SAMTOR: variants seen among roughly 807,000 people sequenced by gnomAD.
SAMTOR encodes the protein UPF0532 protein C7orf60.
the SAMTOR span, among the ~76,000 whole-genome samples, chr7:112,923,209 G>A: frequency 6.6e-6 from 1 of 152,114 alleles, no homozygotes; most frequent in Non-Finnish European, 1.5e-5. Flanking sequence ...AACATGTGCT[G>A]TGTCCACTCA....
chr7:112,884,734 T>C, the SAMTOR span, among the ~76,000 whole-genome samples: 1 of 152,174 alleles, frequency 6.6e-6, no homozygotes, highest in Non-Finnish European at 1.5e-5. Flanking sequence ...TCTGTGGCTT[T>C]TCCAGGTGCA....
the SAMTOR span, among the ~76,000 whole-genome samples, chr7:112,888,706 G>A: frequency 1.3e-5 from 2 of 152,036 alleles, no homozygotes; most frequent in Non-Finnish European, 2.9e-5. Context: ...AAGATATTTG[G>A]AGATAAGCCT....
the SAMTOR span, among the ~76,000 whole-genome samples, chr7:112,934,441 A>G: frequency 6.6e-6 from 1 of 152,178 alleles, no homozygotes; most frequent in South Asian, 2.1e-4. Flanking sequence ...GTGTATGCTA[A>G]TAGCTATCTA....
At chr7:112,914,276 G>GTTTTTTTTTTTTTTTTTTTTTTTT in the SAMTOR span, among the ~76,000 whole-genome samples, 1 of 131,004 alleles carries the variant, frequency 7.6e-6, no homozygotes, top group Non-Finnish European at 1.6e-5. Context: ...TTAGCCTCTA[G>GTTTTTTTTTTTTTTTTTTTTTTTT]TTTTTTTTTT....
At chr7:112,910,308 G>A in the SAMTOR span, among the ~76,000 whole-genome samples, 8 of 151,976 alleles carry the variant, frequency 5.3e-5, no homozygotes, top group East Asian at 7.7e-4. Context: ...TAATTAAACA[G>A]AATTACATAT....
chr7:112,870,895 A>G, the SAMTOR span, among the ~76,000 whole-genome samples: 2 of 152,198 alleles, frequency 1.3e-5, no homozygotes, highest in African/African-American at 2.4e-5. Context: ...CTTTTATCAG[A>G]TAAAACACAA....
the SAMTOR span, among the ~76,000 whole-genome samples, chr7:112,899,121 G>A: frequency 6.6e-6 from 1 of 152,132 alleles, no homozygotes; most frequent in Non-Finnish European, 1.5e-5. Context: ...CAATCCTGGA[G>A]TAGTACAGAT....
chr7:112,828,356 G>T, the SAMTOR span, among the ~76,000 whole-genome samples: 1 of 152,114 alleles, frequency 6.6e-6, no homozygotes. Flanking sequence ...CTCTTGCCTT[G>T]CCTCTAGTGG....
chr7:112,906,201 G>T, the SAMTOR span, among the ~76,000 whole-genome samples: 1 of 152,294 alleles, frequency 6.6e-6, no homozygotes, highest in South Asian at 2.1e-4. Context: ...AATCTAGATG[G>T]TATAGCCTAC....
chr7:112,919,573 G>C, the SAMTOR span, among the ~76,000 whole-genome samples: 1 of 152,058 alleles, frequency 6.6e-6, no homozygotes. Context: ...TCAAAAGCTA[G>C]CAGAAGGCAA....
the SAMTOR span, among the ~76,000 whole-genome samples, chr7:112,884,820 C>T: frequency 6.6e-6 from 1 of 152,208 alleles, no homozygotes; most frequent in Non-Finnish European, 1.5e-5. Context: ...CTCTGCTAGG[C>T]AGTGCCCCAG....
the SAMTOR span, among the ~76,000 whole-genome samples, chr7:112,870,312 T>C: frequency 6.6e-6 from 1 of 152,290 alleles, no homozygotes; most frequent in East Asian, 1.9e-4. Flanking sequence ...GGGAAACCCA[T>C]CTGGCTAACA....
At chr7:112,886,770 T>C in the SAMTOR span, among the ~76,000 whole-genome samples, 1 of 152,232 alleles carries the variant, frequency 6.6e-6, no homozygotes, top group African/African-American at 2.4e-5. Flanking sequence ...GGTTCCACCA[T>C]ATCTCCCTGC....
At chr7:112,875,387 A>T in the SAMTOR span, among the ~76,000 whole-genome samples, 1 of 152,152 alleles carries the variant, frequency 6.6e-6, no homozygotes, top group Non-Finnish European at 1.5e-5. Flanking sequence ...ATAGCTTTTC[A>T]GACTGAATAA....
the SAMTOR span, among the ~76,000 whole-genome samples, chr7:112,877,008 C>T: frequency 2.0e-5 from 3 of 152,178 alleles, no homozygotes; most frequent in African/African-American, 7.2e-5. Context: ...CCCTTTTACT[C>T]CATTTATAAC....
At chr7:112,895,923 C>A in the SAMTOR span, among the ~76,000 whole-genome samples, 1 of 152,066 alleles carries the variant, frequency 6.6e-6, no homozygotes, top group Non-Finnish European at 1.5e-5. Context: ...AATTACTATA[C>A]AATAAAGAAT....
At chr7:112,877,412 A>G in the SAMTOR span, among the ~76,000 whole-genome samples, 1 of 152,168 alleles carries the variant, frequency 6.6e-6, no homozygotes, top group Non-Finnish European at 1.5e-5. Flanking sequence ...ACCCAAAAAG[A>G]GCATTTGTTT....
At chr7:112,856,394 C>T in the SAMTOR span, among the ~76,000 whole-genome samples, 4 of 151,880 alleles carry the variant, frequency 2.6e-5, no homozygotes, top group South Asian at 4.2e-4. Context: ...GGACTACTGG[C>T]GTGAGCCACC....
At chr7:112,830,336 G>GT in the SAMTOR span, among the ~76,000 whole-genome samples, 1 of 152,132 alleles carries the variant, frequency 6.6e-6, no homozygotes, top group Admixed American at 6.6e-5. Context: ...GGCTGGAAGA[G>GT]TAAGTCCCTT....
Sources: allele counts gnomAD v4.1 joint callset (sites outside exome capture counted in the v4.1 genomes callset), GRCh38; gene constraint gnomAD v4.1.1; transcripts MANE v1.5; gene names NCBI Gene and HGNC (gene_info 2026-07-23, HGNC 2026-07-21).